TGM6: variants seen among roughly 807,000 people sequenced by gnomAD.
TGM6 encodes protein-glutamine gamma-glutamyltransferase 6.
In TGM6, 74 loss-of-function variants were observed where a neutral mutation model predicts 77.5. That is an observed-to-expected ratio of 0.96 (90% CI 0.79 to 1.16). The LOEUF is 1.16. TGM6 is among the 50% of genes most tolerant of loss of function. The probability of loss-of-function intolerance (pLI) is 0.00; values close to 1 mark genes in which losing one functional copy is unlikely to be tolerated. For synonymous variants in TGM6, 383 were observed against 378.9 expected (o/e 1.01, Z -0.12); for missense variants, 968 against 940.2 (o/e 1.03, Z -0.39).
At chr20:2,382,642 G>A (rs1027737084) in intron 1 of TGM6, among the ~76,000 whole-genome samples, 1 of 152,074 alleles carries the variant, frequency 6.6e-6, no homozygotes, top group African/African-American at 2.4e-5. Flanking sequence ...GGGTCTTCTG[G>A]GTCCTCTTGG....
intron 4 of TGM6, among the ~76,000 whole-genome samples, chr20:2,397,104 A>G (rs115875381): frequency 0.012 from 1,854 of 152,272 alleles, 39 homozygotes; most frequent in African/African-American, 0.041. Flanking sequence ...GGGAAGGAAA[A>G]AGTCAGAATG....
At chr20:2,402,745 G>A (rs569858255) in intron 7 of TGM6, among the ~76,000 whole-genome samples, 19 of 152,196 alleles carry the variant, frequency 1.2e-4, no homozygotes, top group African/African-American at 3.9e-4. Context: ...TCTTTAACAC[G>A]GGGAATTAAA....
chr20:2,389,736 A>T (rs1181923682), intron 1 of TGM6, among the ~76,000 whole-genome samples: 2 of 152,218 alleles, frequency 1.3e-5, no homozygotes, highest in Non-Finnish European at 2.9e-5. Flanking sequence ...AAACTTTACC[A>T]GAAGACATGA....
intron 9 of TGM6, among the ~76,000 whole-genome samples, chr20:2,414,282 T>C (rs936307259): frequency 6.6e-6 from 1 of 152,154 alleles, no homozygotes; most frequent in East Asian, 1.9e-4. Flanking sequence ...CCAAGGACCA[T>C]ACACAAATGG....
chr20:2,399,698 G>T lies in TGM6; in HGVS notation c.810G>T (p.Lys270Asn). The T allele has an allele frequency of 6.2e-7, 1 of 1,614,122 alleles. No homozygotes were observed. Among genetic ancestry groups the T allele is most frequent in the Middle Eastern group, 1.7e-4 (1 of 5,982 alleles). ...KWLKGRYKPVKYGQCWVFAGV... is the reference protein window; with the variant it reads ...KWLKGRYKPVNYGQCWVFAGV... ...TCAAGGGCAGGTACAAGCCAGTCAA[G>T]TACGGCCAGTGCTGGGTCTTCGCCG... The change falls in exon 6 of 13, where the codon AAG becomes AAT. Residue 270 changes from lysine (K) to asparagine (N), a missense_variant. Lys to Asn is a moderately conservative substitution (Grantham distance 94). Coordinates refer to ENST00000202625, the MANE Select transcript of TGM6 (RefSeq NM_198994.3).
At position 2,413,840 on chromosome 20, in the gene TGM6, C is replaced by T. The variant is rs112616477; in HGVS notation, c.1337-3392C>T. On this transcript the variant is annotated intron_variant, in intron 9 of 12. Coordinates refer to ENST00000202625, the MANE Select transcript of TGM6 (RefSeq NM_198994.3). ...TAAATCTTCATGATCTTCGGTTAGA[C>T]CAAGCCTTTTCAGAAACGACATCAA... Among the ~76,000 whole-genome samples the T allele has an allele frequency of 1.6e-4, 24 of 152,194 alleles. 2 individuals are homozygous for T. The highest frequency in any genetic ancestry group is 5.8e-4 in the African/African-American group (24 of 41,512).
rs2084724761 is a variant in TGM6 at position 2,403,389 on chromosome 20, T to C, written c.990-8T>C. On this transcript the variant is annotated splice_polypyrimidine_tract_variant and splice_region_variant and intron_variant, in intron 7 of 12. Coordinates refer to ENST00000202625, the MANE Select transcript of TGM6 (RefSeq NM_198994.3). ...TAGGCAGCTTCACCCATCCTCTCTC[T>C]GTGGCAGGAATTTCCATGTCTGGAA... The C allele has an allele frequency of 6.2e-7, 1 of 1,614,146 alleles. No homozygotes were observed. The highest frequency in any genetic ancestry group is 8.5e-7 in the Non-Finnish European group (1 of 1,180,018).
At chr20:2,405,498 G>A (rs1019220796) in intron 9 of TGM6, among the ~76,000 whole-genome samples, 4 of 152,170 alleles carry the variant, frequency 2.6e-5, no homozygotes, top group African/African-American at 9.7e-5. Flanking sequence ...TAAGAGGGAG[G>A]CAAAGAGGAC....
Position 2,396,598 on chromosome 20 carries a change from C to T in TGM6, c.517C>T (p.Arg173Ter), listed in dbSNP as rs543298933. The T allele has an allele frequency of 1.1e-5, 18 of 1,614,188 alleles. No homozygotes were observed. The highest frequency in any genetic ancestry group is 3.3e-5 in the South Asian group (3 of 91,082). The change falls in exon 4 of 13, where the codon CGA becomes TGA. Residue 173 changes from arginine (R) to a stop codon, truncating the protein, a stop_gained. Coordinates refer to ENST00000202625, the MANE Select transcript of TGM6 (RefSeq NM_198994.3). LOFTEE classifies it high-confidence loss of function. ...IIFRGVEKHIRAQGWNYGQFE... is the reference protein window; with the variant it reads ...IIFRGVEKHI Reference sequence around the variant, plus strand: ...CTTCCGAGGCGTGGAGAAGCACATACGAGCCCAGGGCTGGAACTACGGGCA... The same window carrying T: ...CTTCCGAGGCGTGGAGAAGCACATATGAGCCCAGGGCTGGAACTACGGGCA...
intron 1 of TGM6, among the ~76,000 whole-genome samples, chr20:2,390,885 G>T (rs1420249078): frequency 1.3e-5 from 2 of 152,028 alleles, no homozygotes; most frequent in African/African-American, 4.8e-5. Context: ...CCTGAAGAGG[G>T]AGCCTGTCTG....
At chr20:2,407,203 C>T (rs1234766812) in intron 9 of TGM6, among the ~76,000 whole-genome samples, 3 of 152,174 alleles carry the variant, frequency 2.0e-5, no homozygotes, top group East Asian at 1.9e-4. Context: ...TTATTGACTG[C>T]CTACTGTGGG....
intron 1 of TGM6, among the ~76,000 whole-genome samples, chr20:2,393,379 G>A (rs561969572): frequency 1.3e-5 from 2 of 152,266 alleles, no homozygotes; most frequent in South Asian, 4.2e-4. Flanking sequence ...AATGGCCGCT[G>A]AGCATAGGAC....
intron 7 of TGM6, 98 bp downstream of exon 7, chr20:2,400,542 A>C (rs1446807360): frequency 1.0e-5 from 16 of 1,557,832 alleles, no homozygotes; most frequent in Non-Finnish European, 1.2e-5. Context: ...CGGCAGGCCC[A>C]GAGCCCAGCT....
intron 1 of TGM6, among the ~76,000 whole-genome samples, chr20:2,388,205 C>T (rs903264949): frequency 6.6e-6 from 1 of 152,140 alleles, no homozygotes; most frequent in African/African-American, 2.4e-5. Context: ...TTGCAACCAC[C>T]TTTGGAAAAT....
chr20:2,418,805 G>A (rs553093463), intron 10 of TGM6, among the ~76,000 whole-genome samples: 19 of 152,022 alleles, frequency 1.2e-4, no homozygotes, highest in Non-Finnish European at 2.1e-4. Flanking sequence ...GGCCGGGCGC[G>A]GTGGCTCACG....
chr20:2,394,669 G>A (rs776611745), intron 2 of TGM6, 44 bp downstream of exon 2: 42 of 1,568,562 alleles, frequency 2.7e-5, no homozygotes, highest in Non-Finnish European at 3.6e-5. Context: ...GCAGCTGGAG[G>A]GACCTGTCTT....
chr20:2,426,544 A>C (rs2084888918), intron 10 of TGM6, among the ~76,000 whole-genome samples: 1 of 152,184 alleles, frequency 6.6e-6, no homozygotes, highest in African/African-American at 2.4e-5. Flanking sequence ...AAGACTTCCA[A>C]TATGATGTTG....
At chr20:2,399,264 G>A (rs1470307920) in intron 5 of TGM6, among the ~76,000 whole-genome samples, 3 of 152,214 alleles carry the variant, frequency 2.0e-5, no homozygotes, top group East Asian at 1.9e-4. Context: ...AATGTTAGCT[G>A]TCCCTATAAT....
chr20:2,401,891 A>G (rs1339643093), intron 7 of TGM6, among the ~76,000 whole-genome samples: 1 of 152,192 alleles, frequency 6.6e-6, no homozygotes, highest in Admixed American at 6.5e-5. Context: ...AACCTTGTTC[A>G]AATGTCTGTT....
Sources: allele counts gnomAD v4.1 joint callset (sites outside exome capture counted in the v4.1 genomes callset), GRCh38; gene constraint gnomAD v4.1.1; transcripts MANE v1.5; gene names NCBI Gene and HGNC (gene_info 2026-07-23, HGNC 2026-07-21).